The following FAM177A1 variants were observed in gnomAD, a reference collection of about 807,000 sequenced individuals.
FAM177A1 encodes the protein protein FAM177A1.
In FAM177A1, 22 loss-of-function variants were observed where a neutral mutation model predicts 26.1. The ratio of observed to expected loss-of-function variants is 0.84; its 90% confidence interval spans 0.60 to 1.20. The LOEUF is 1.20. Among genes scored for constraint, FAM177A1 ranks in the 50% most tolerant of loss-of-function variants. The probability of loss-of-function intolerance (pLI) is 0.00; values close to 1 mark genes in which losing one functional copy is unlikely to be tolerated. For missense variants in FAM177A1, 296 were observed against 291.1 expected, an observed-to-expected ratio of 1.02 and a Z score of -0.12; for synonymous variants, 95 against 99.3, an observed-to-expected ratio of 0.96 and a Z score of 0.26.
At chr14:35,070,561 C>T (rs192365069) in intron 2 of FAM177A1, among the ~76,000 whole-genome samples, 2 of 152,238 alleles carry the variant, frequency 1.3e-5, no homozygotes, top group African/African-American at 4.8e-5. Context: ...AACTCCTGAC[C>T]TTGTTATCTG....
intron 2 of FAM177A1, among the ~76,000 whole-genome samples, chr14:35,074,868 T>C (rs1461665307): frequency 1.3e-5 from 2 of 151,810 alleles, no homozygotes; most frequent in Non-Finnish European, 2.9e-5. Context: ...TGGCGAAACC[T>C]TATCTATACT....
chr14:35,068,628 T>G (rs540873740), intron 2 of FAM177A1, among the ~76,000 whole-genome samples: 1 of 152,354 alleles, frequency 6.6e-6, no homozygotes, highest in South Asian at 2.1e-4. Context: ...TTGGGAAGCC[T>G]TCTCCATTTG....
At position 35,046,572 on chromosome 14, in the gene FAM177A1, G is replaced by A. The variant is rs772814193; in HGVS notation, c.109G>A (p.Ala37Thr). ...AGTGGGCGGTGTGGAACGAGGAGAA[G>A]CCGTCGCAGCCTCGGGAGCTGCGGC... Reference protein sequence around the residue: ...EPVGGVERGEAVAASGAAAAA... With the variant: ...EPVGGVERGETVAASGAAAAA... The change falls in exon 1 of 5, where the codon GCC becomes ACC. Residue 37 changes from alanine (A) to threonine (T), a missense_variant. Transcript: ENST00000280987. 5.7e-6 allele frequency: 9 copies of A among 1,571,988 alleles called. No individual in the cohort carries two copies. The African/African-American group carries it at 1.2e-4, about 21-fold the overall frequency.
intron 2 of FAM177A1, among the ~76,000 whole-genome samples, chr14:35,076,110 A>G (rs1242737175): frequency 6.6e-6 from 1 of 152,236 alleles, no homozygotes; most frequent in African/African-American, 2.4e-5. Context: ...CCAAAGGATT[A>G]TAAATCATGT....
intron 2 of FAM177A1, among the ~76,000 whole-genome samples, chr14:35,055,639 G>A (rs1366084100): frequency 6.6e-6 from 1 of 152,004 alleles, no homozygotes; most frequent in Non-Finnish European, 1.5e-5. Flanking sequence ...GTTTCACCAT[G>A]TTGGTTAAGC....
intron 2 of FAM177A1, among the ~76,000 whole-genome samples, chr14:35,066,406 CTT>C (rs530069165): frequency 2.2e-4 from 28 of 125,952 alleles, no homozygotes; most frequent in South Asian, 2.6e-4. Flanking sequence ...AAAAGAGCAT[CTT>C]TTTTTTTTTT....
At chr14:35,046,881 C>A in intron 1 of FAM177A1, 1 of 1,306,096 alleles carries the variant, frequency 7.7e-7, no homozygotes, top group Non-Finnish European at 9.7e-7. Flanking sequence ...GGGTGATAGT[C>A]CAGCTTCTGG....
chr14:35,053,853 C>T (rs756293328), intron 2 of FAM177A1, among the ~76,000 whole-genome samples: 24 of 152,024 alleles, frequency 1.6e-4, no homozygotes, highest in Non-Finnish European at 3.1e-4. Flanking sequence ...ATTAGCTGGA[C>T]GTATTGGTGG....
At chr14:35,060,329 GC>G (rs1364504898) in intron 2 of FAM177A1, among the ~76,000 whole-genome samples, 8 of 152,000 alleles carry the variant, frequency 5.3e-5, no homozygotes, top group Admixed American at 1.3e-4. Context: ...GATACTCTCT[GC>G]TTGATGTGAT....
chr14:35,080,932 T>C (rs867930139), intron 4 of FAM177A1, 90 bp from the exon 5 acceptor site: 2 of 1,303,892 alleles, frequency 1.5e-6, no homozygotes, highest in Non-Finnish European at 2.0e-6. Flanking sequence ...TTTTTTTTTT[T>C]AAACATAAGC....
intron 2 of FAM177A1, among the ~76,000 whole-genome samples, chr14:35,071,873 A>G (rs2045326643): frequency 6.6e-6 from 1 of 152,214 alleles, no homozygotes; most frequent in Admixed American, 6.5e-5. Flanking sequence ...TAAATTGCTA[A>G]TAGCCTAGTG....
chr14:35,063,276 A>T (rs1359167077), intron 2 of FAM177A1, among the ~76,000 whole-genome samples: 1 of 149,972 alleles, frequency 6.7e-6, no homozygotes, highest in Non-Finnish European at 1.5e-5. Flanking sequence ...CTTTAAAATT[A>T]TATTTTCCCT....
upstream of FAM177A1, chr14:35,045,011 T>C (rs1882949988): frequency 6.6e-6 from 1 of 152,244 alleles, no homozygotes; most frequent in African/African-American, 2.4e-5. Context: ...ATTGCCCTGC[T>C]TGCCAGTAAG....
At chr14:35,053,008 A>G (rs2044998800) in intron 1 of FAM177A1, among the ~76,000 whole-genome samples, 1 of 152,196 alleles carries the variant, frequency 6.6e-6, no homozygotes, top group African/African-American at 2.4e-5. Context: ...CATATGTATT[A>G]CTGGCCAAGA....
rs142583646 is a variant in FAM177A1, at chr14:35,074,885, AC to A, written c.340-2264del. Among the ~76,000 whole-genome samples, 62 of 152,080 alleles carry A rather than the reference AC, an allele frequency of 4.1e-4. 1 individual carries two copies. In the East Asian group the frequency reaches 0.012, roughly 28 times the overall value. On this transcript the variant is annotated intron_variant, in intron 2 of 4. Transcript: ENST00000280987. ...GCGAAACCTTATCTATACTAAACAT[AC>A]AAAAATTTGTGCAATTGGTGCACGT...
Position 35,083,038 on chromosome 14 carries a change from A to G in FAM177A1, c.*1810A>G, listed in dbSNP as rs1213393415. ...TGAATTATAGTTTACCAATAGTTCTAAAACATGCTAACCTGACCTTTTCCT... is the reference window on the plus strand; with the variant it reads ...TGAATTATAGTTTACCAATAGTTCTGAAACATGCTAACCTGACCTTTTCCT... On this transcript the variant is annotated 3_prime_UTR_variant, in exon 5 of 5. Transcript: ENST00000280987. The G allele has an allele frequency of 1.3e-5, 2 of 152,302 alleles. No homozygotes were observed. Among genetic ancestry groups the G allele is most frequent in the African/African-American group, 4.8e-5 (2 of 41,468 alleles). 9.4% of individuals were successfully genotyped at this position (152,302 alleles called of 1,614,324 possible).
intron 1 of FAM177A1, 151 bp downstream of exon 1, chr14:35,046,779 G>A: frequency 1.4e-6 from 2 of 1,385,634 alleles, no homozygotes; most frequent in Non-Finnish European, 1.9e-6. Context: ...TCTGCTCACT[G>A]AGACCAGCTT....
chr14:35,047,377 C>G (rs2044884598), intron 1 of FAM177A1, among the ~76,000 whole-genome samples: 1 of 152,150 alleles, frequency 6.6e-6, no homozygotes, highest in African/African-American at 2.4e-5. Flanking sequence ...CATAGCATAT[C>G]GCAGTTCTGG....
intron 1 of FAM177A1, 145 bp downstream of exon 1, chr14:35,046,773 C>T (rs868228790): frequency 6.5e-6 from 9 of 1,387,230 alleles, no homozygotes; most frequent in Middle Eastern, 1.8e-4. Context: ...CCTGTTTCTG[C>T]TCACTGAGAC....
Sources: allele counts gnomAD v4.1 joint callset (sites outside exome capture counted in the v4.1 genomes callset), GRCh38; gene constraint gnomAD v4.1.1; transcripts MANE v1.5; gene names NCBI Gene and HGNC (gene_info 2026-07-23, HGNC 2026-07-21).